ATXN8OS: variants seen among roughly 807,000 people sequenced by gnomAD.
ATXN8OS encodes the protein ATXN8 opposite strand (non-protein coding).
At chr13:70,156,358 A>T (rs140814074) in intron 4 of ATXN8OS, among the ~76,000 whole-genome samples, 2,074 of 152,134 alleles carry the variant, frequency 0.014, 104 homozygotes, top group Admixed American at 0.093. Context: ...TGGAAATTAG[A>T]TGTATAACTT....
intron 2 of ATXN8OS, among the ~76,000 whole-genome samples, chr13:70,123,485 C>T (rs572650081): frequency 2.0e-5 from 3 of 152,234 alleles, no homozygotes; most frequent in Admixed American, 2.0e-4. Flanking sequence ...GTTCCTACGA[C>T]ATAGCCTAGG....
intron 4 of ATXN8OS, among the ~76,000 whole-genome samples, chr13:70,156,601 G>A (rs528422869): frequency 3.8e-4 from 58 of 151,968 alleles, no homozygotes; most frequent in Non-Finnish European, 4.1e-4. Context: ...TTCACAACAC[G>A]TTACTCTTTT....
intron 3 of ATXN8OS, among the ~76,000 whole-genome samples, chr13:70,132,515 C>T (rs185058163): frequency 1.0e-3 from 156 of 151,974 alleles, no homozygotes; most frequent in African/African-American, 3.1e-3. Context: ...TTGGGTACTA[C>T]GCTCACCTCC....
chr13:70,119,838 T>C (rs1433467179), intron 2 of ATXN8OS, among the ~76,000 whole-genome samples: 1 of 152,068 alleles, frequency 6.6e-6, no homozygotes, highest in Non-Finnish European at 1.5e-5. Flanking sequence ...TCAGTGATTA[T>C]GAAACATGAA....
intron 4 of ATXN8OS, among the ~76,000 whole-genome samples, chr13:70,166,286 C>T (rs1889074392): frequency 6.6e-6 from 1 of 152,008 alleles, no homozygotes; most frequent in Non-Finnish European, 1.5e-5. Context: ...CTACAGTAAC[C>T]AAAACAGCAT....
chr13:70,107,683 C>A (rs754998896), upstream of ATXN8OS: 2 of 1,528,750 alleles, frequency 1.3e-6, no homozygotes, highest in South Asian at 2.6e-5. Context: ...GAAGTCTTTT[C>A]GCCCAGAGCC....
intron 3 of ATXN8OS, among the ~76,000 whole-genome samples, chr13:70,142,955 C>A (rs1203824938): frequency 6.6e-6 from 1 of 152,000 alleles, no homozygotes; most frequent in Non-Finnish European, 1.5e-5. Flanking sequence ...CGCCTGTAAT[C>A]CTAGTTACTC....
At chr13:70,142,946 G>C (rs1888737257) in intron 3 of ATXN8OS, among the ~76,000 whole-genome samples, 1 of 151,816 alleles carries the variant, frequency 6.6e-6, no homozygotes, top group Non-Finnish European at 1.5e-5. Context: ...GGTGGCACAC[G>C]CCTGTAATCC....
chr13:70,151,567 A>G (rs1185243923), intron 4 of ATXN8OS, among the ~76,000 whole-genome samples: 2 of 152,128 alleles, frequency 1.3e-5, no homozygotes, highest in East Asian at 3.9e-4. Flanking sequence ...CAAGTCAATA[A>G]TCTGTAGAAA....
intron 3 of ATXN8OS, among the ~76,000 whole-genome samples, chr13:70,144,747 T>A (rs1888760225): frequency 6.6e-6 from 1 of 152,142 alleles, no homozygotes; most frequent in East Asian, 1.9e-4. Flanking sequence ...CCTTTGGTAA[T>A]GCTAAAAAGA....
chr13:70,169,300 TTTTG>T (rs1169892229), intron 4 of ATXN8OS, among the ~76,000 whole-genome samples: 3 of 152,200 alleles, frequency 2.0e-5, no homozygotes, highest in African/African-American at 4.8e-5. Context: ...CGTTTAATCT[TTTTG>T]TTTGTTTTTT....
Position 70,144,114 on chromosome 13 carries a change from T to C in ATXN8OS, n.500-3241T>C, listed in dbSNP as rs147370521. Among the ~76,000 whole-genome samples, 1,206 of 152,210 alleles carry C rather than the reference T, an allele frequency of 7.9e-3. 14 individuals carry two copies. Among genetic ancestry groups the C allele is most frequent in the African/African-American group, 0.027 (1,122 of 41,560 alleles). On this transcript the variant is annotated intron_variant and non_coding_transcript_variant, in intron 3 of 4. Transcript: ENST00000678624. ...GTGTCTGACACAAAATCTTGATAAA[T>C]ATTAAATTTTAATATTTTTAGTTTT...
rs182044594 is a variant in ATXN8OS, at chr13:70,128,980, C to G, written n.399-804C>G. 3.0e-3 allele frequency among the ~76,000 whole-genome samples: 450 copies of G among 152,136 alleles called. 1 individual carries two copies. The highest frequency in any genetic ancestry group is 5.8e-3 in the Non-Finnish European group (395 of 68,002). ...GGTTCAAGCGATTCTCCTGCCTCAG[C>G]CTCCCAAGTAGCTGGGATTACAGGC... On this transcript the variant is annotated intron_variant and non_coding_transcript_variant, in intron 2 of 4. Transcript: ENST00000678624.
chr13:70,159,306 GCTT>G (rs1463588358), intron 4 of ATXN8OS, among the ~76,000 whole-genome samples: 15 of 151,566 alleles, frequency 9.9e-5, no homozygotes, highest in Non-Finnish European at 1.5e-4. Flanking sequence ...TTTTGTAGAT[GCTT>G]TTTTATTATT....
At chr13:70,113,224 A>G (rs1052816620) in intron 1 of ATXN8OS, among the ~76,000 whole-genome samples, 1 of 152,084 alleles carries the variant, frequency 6.6e-6, no homozygotes, top group East Asian at 1.9e-4. Context: ...CTGGCCTATG[A>G]TGTGATTTTT....
At chr13:70,136,053 A>G (rs763927058) in intron 3 of ATXN8OS, among the ~76,000 whole-genome samples, 23 of 152,210 alleles carry the variant, frequency 1.5e-4, no homozygotes, top group Middle Eastern at 3.2e-3. Context: ...CACAGAAGCA[A>G]ATTAGAAAAT....
intron 2 of ATXN8OS, among the ~76,000 whole-genome samples, chr13:70,122,917 T>G (rs1360253449): frequency 6.6e-6 from 1 of 152,044 alleles, no homozygotes; most frequent in Non-Finnish European, 1.5e-5. Flanking sequence ...CTTACTAACT[T>G]GTGTAAACTT....
At chr13:70,148,396 G>A (rs965640776) in intron 4 of ATXN8OS, among the ~76,000 whole-genome samples, 1 of 152,056 alleles carries the variant, frequency 6.6e-6, no homozygotes, top group Non-Finnish European at 1.5e-5. Context: ...TCTTCTGTCA[G>A]TCTTAGGATC....
intron 2 of ATXN8OS, among the ~76,000 whole-genome samples, chr13:70,118,548 T>G (rs773856599): frequency 7.2e-5 from 11 of 152,100 alleles, no homozygotes; most frequent in Non-Finnish European, 1.5e-4. Flanking sequence ...TGCATTTATA[T>G]ATTTCATTTA....
Sources: allele counts gnomAD v4.1 joint callset (sites outside exome capture counted in the v4.1 genomes callset), GRCh38; gene constraint gnomAD v4.1.1; transcripts MANE v1.5; gene names NCBI Gene and HGNC (gene_info 2026-07-23, HGNC 2026-07-21).